UQCRC2: variants seen among roughly 807,000 people sequenced by gnomAD.
The protein encoded by UQCRC2 is cytochrome b-c1 complex subunit 2, mitochondrial.
UQCRC2 carries 49 observed loss-of-function variants against 55.6 expected under a neutral mutation model. The ratio of observed to expected loss-of-function variants is 0.88; its 90% confidence interval spans 0.70 to 1.12. The LOEUF is 1.12. UQCRC2 is among the 50% of genes most tolerant of loss of function. The pLI is 0.00. For synonymous variants in UQCRC2, 193 were observed against 192.0 expected (o/e 1.01, Z -0.04); for missense variants, 506 against 547.8 (o/e 0.92, Z 0.76).
At chr16:21,955,340 C>T (rs140816863) in intron 1 of UQCRC2, among the ~76,000 whole-genome samples, 103 of 152,270 alleles carry the variant, frequency 6.8e-4, no homozygotes, top group Non-Finnish European at 1.1e-3. Context: ...CAGCAGCCAA[C>T]CTAGTACAGC....
intron 12 of UQCRC2, among the ~76,000 whole-genome samples, chr16:21,977,238 C>T (rs575242015): frequency 1.3e-5 from 2 of 152,072 alleles, no homozygotes; most frequent in South Asian, 4.2e-4. Context: ...CCTGTAGCCT[C>T]AGCTACTCAG....
At chr16:21,976,582 T>C (rs1898590844) in intron 12 of UQCRC2, 1 of 217,416 alleles carries the variant, frequency 4.6e-6, no homozygotes, top group Non-Finnish European at 9.3e-6. Flanking sequence ...TCATGCATTT[T>C]TAAACATAAT....
rs765632490 is a variant in UQCRC2 at position 21,962,878 on chromosome 16, G to A, written c.507G>A (p.Pro169=). The change falls in exon 6 of 14, where the codon CCG becomes CCA. Residue 169 remains proline, a synonymous_variant. Coordinates refer to ENST00000268379, the MANE Select transcript of UQCRC2 (RefSeq NM_003366.4). The part of the protein sequence containing the change: ...KIDKAVAFQN[P]QTHVIENLHA... ...ACAAAGCTGTGGCCTTTCAGAATCC[G>A]CAGACTCGTAAGTACATTTCCAGAT... 1.5e-5 allele frequency: 25 copies of A among 1,613,608 alleles called. No homozygotes were observed. Among genetic ancestry groups the A allele is most frequent in the Middle Eastern group, 1.6e-4 (1 of 6,072 alleles).
intron 7 of UQCRC2, among the ~76,000 whole-genome samples, chr16:21,968,277 C>G (rs531127328): frequency 6.6e-6 from 1 of 152,284 alleles, no homozygotes; most frequent in South Asian, 2.1e-4. Context: ...GCTGGGATTA[C>G]AGACATGAGC....
intron 1 of UQCRC2, among the ~76,000 whole-genome samples, chr16:21,954,649 G>A (rs1898061145): frequency 6.6e-6 from 1 of 152,136 alleles, no homozygotes; most frequent in Non-Finnish European, 1.5e-5. Flanking sequence ...ACTTTATATA[G>A]GAGAATAAAC....
At chr16:21,961,347 CAG>C (rs887815110) in intron 4 of UQCRC2, 7 of 446,904 alleles carry the variant, frequency 1.6e-5, no homozygotes, top group African/African-American at 6.0e-5. Flanking sequence ...TAAAGTATGA[CAG>C]AGTCATGATG....
At chr16:21,970,647 G>T (rs973067454) in intron 8 of UQCRC2, among the ~76,000 whole-genome samples, 5 of 151,952 alleles carry the variant, frequency 3.3e-5, no homozygotes, top group African/African-American at 4.8e-5. Flanking sequence ...GTGCAGTGGC[G>T]CAATCTCAGC....
chr16:21,962,197 T>C (rs942000424), intron 4 of UQCRC2: 1 of 445,814 alleles, frequency 2.2e-6, no homozygotes, highest in South Asian at 3.1e-5. Context: ...GACTGGCTTA[T>C]TATCCTTAGC....
At chr16:21,978,612 T>C (rs374999768) in intron 12 of UQCRC2, among the ~76,000 whole-genome samples, 40 of 152,332 alleles carry the variant, frequency 2.6e-4, no homozygotes, top group African/African-American at 8.9e-4. Context: ...AAAATAGTTT[T>C]ACCTAGATCT....
At chr16:21,982,180 C>T (rs1802097809) in intron 13 of UQCRC2, among the ~76,000 whole-genome samples, 1 of 151,984 alleles carries the variant, frequency 6.6e-6, no homozygotes, top group African/African-American at 2.4e-5. Context: ...ATCTTATATC[C>T]TATCATTATG....
At chr16:21,955,130 TCA>T (rs1898068706) in intron 1 of UQCRC2, among the ~76,000 whole-genome samples, 1 of 151,628 alleles carries the variant, frequency 6.6e-6, no homozygotes, top group African/African-American at 2.4e-5. Flanking sequence ...ACCTAAAATC[TCA>T]CTTGGTAACG....
At chr16:21,971,443 T>C in intron 8 of UQCRC2, 82 bp from the exon 9 acceptor site, 1 of 1,198,116 alleles carries the variant, frequency 8.3e-7, no homozygotes, top group Non-Finnish European at 1.2e-6. Flanking sequence ...TACAATCGTA[T>C]TTTTAAAACA....
At chr16:21,960,295 T>G (rs1323853435) in intron 4 of UQCRC2, among the ~76,000 whole-genome samples, 1 of 152,244 alleles carries the variant, frequency 6.6e-6, no homozygotes, top group Non-Finnish European at 1.5e-5. Flanking sequence ...TACTATTATA[T>G]TAAGAAGATG....
intron 1 of UQCRC2, 80 bp from the exon 2 acceptor site, chr16:21,957,155 G>A: frequency 7.2e-7 from 1 of 1,384,998 alleles, no homozygotes; most frequent in Non-Finnish European, 1.0e-6. Flanking sequence ...TCTGTCGCTT[G>A]GGTACCCTAA....
intron 4 of UQCRC2, chr16:21,959,337 A>G: frequency 4.0e-6 from 1 of 249,172 alleles, no homozygotes; most frequent in East Asian, 1.4e-4. Context: ...TCATTTCGAC[A>G]GTGTTCACAG....
intron 11 of UQCRC2, 41 bp from the exon 12 acceptor site, chr16:21,976,126 G>T: frequency 7.0e-7 from 1 of 1,434,184 alleles, no homozygotes; most frequent in Non-Finnish European, 9.8e-7. Flanking sequence ...AGGAGACTCT[G>T]GTACTGACCA....
rs1478344352 is a variant in UQCRC2, at chr16:21,972,100, A to G, written c.944A>G (p.Lys315Arg). ...AGCCATCTGCACCAGGCTGTTGCCA[A>G]GGCAACTCAGCAGCCATTTGATGTG... ...TTSHLHQAVA[K>R]ATQQPFDVSA... The change falls in exon 10 of 14, where the codon AAG (lysine) becomes AGG (arginine). Residue 315 changes from lysine to arginine, a missense_variant. Coordinates refer to ENST00000268379, the MANE Select transcript of UQCRC2 (RefSeq NM_003366.4). 6.2e-7 allele frequency: 1 copy of G among 1,613,822 alleles called. No individual in the cohort carries two copies. The highest frequency in any genetic ancestry group is 1.1e-5 in the South Asian group (1 of 91,040).
In UQCRC2 at chr16:21,968,785, T is replaced by C. The variant is rs1367615504; in HGVS notation, c.670+100T>C. The C allele has an allele frequency of 4.7e-6, 5 of 1,071,704 alleles. No homozygotes were observed. In the East Asian group the frequency reaches 1.4e-4, roughly 29 times the overall value. The allele number at this position is 1,071,704 out of a possible 1,614,324, so 66.4% of individuals were successfully genotyped here. ...TAGGATTGAACAAAATTTGAAAACT[T>C]CGGCCTTCTATTTATGTCAGACAGG... On this transcript the variant is annotated intron_variant, in intron 8 of 13. Coordinates refer to ENST00000268379, the MANE Select transcript of UQCRC2 (RefSeq NM_003366.4).
At chr16:21,965,993 T>C (rs1421394363) in intron 7 of UQCRC2, among the ~76,000 whole-genome samples, 1 of 152,070 alleles carries the variant, frequency 6.6e-6, no homozygotes, top group African/African-American at 2.4e-5. Flanking sequence ...CTGTGTATCT[T>C]TTTTAAACAG....
Sources: gnomAD v4.1 joint callset for allele counts (sites outside exome capture counted in the v4.1 genomes callset) on GRCh38, gnomAD v4.1.1 for gene constraint, MANE v1.5 for transcripts, NCBI Gene and HGNC (gene_info 2026-07-23, HGNC 2026-07-21) for gene names.